The following CDH13 variants were observed in gnomAD, a reference collection of about 807,000 sequenced individuals.
CDH13 encodes cadherin 13.
Under a neutral mutation model 63.8 loss-of-function variants are expected in CDH13, and 24 were observed. The observed-to-expected ratio is 0.38, with a 90% CI of 0.27 to 0.53. CDH13 has a LOEUF of 0.53. Among genes scored for constraint, CDH13 ranks in the 20% least tolerant of loss-of-function variants. The pLI is 0.85. For synonymous variants in CDH13, 503 were observed against 355.3 expected, an observed-to-expected ratio of 1.42 and a Z score of -4.67; for missense variants, 1,049 against 903.1, an observed-to-expected ratio of 1.16 and a Z score of -2.07.
intron 8 of CDH13, among the ~76,000 whole-genome samples, chr16:83,646,684 C>G (rs1911827875): frequency 1.0e-5 from 1 of 96,640 alleles, no homozygotes; most frequent in Non-Finnish European, 2.0e-5. Context: ...AAGAGCAAGA[C>G]TCCGTCTCAA....
chr16:83,031,362 G>GTACATGTATATACATA (rs1916316322), intron 2 of CDH13, among the ~76,000 whole-genome samples: 2 of 94,470 alleles, frequency 2.1e-5, no homozygotes, highest in South Asian at 4.4e-4. Context: ...GTATATACAT[G>GTACATGTATATACATA]TACATGTATA....
At chr16:83,383,017 C>T (rs191216059) in intron 6 of CDH13, 11 of 152,290 alleles carry the variant, frequency 7.2e-5, no homozygotes, top group East Asian at 1.9e-4. Context: ...GCAGAAACCC[C>T]GAGTTACACA....
At chr16:83,483,937 G>A (rs1303526331) in intron 6 of CDH13, among the ~76,000 whole-genome samples, 2 of 152,140 alleles carry the variant, frequency 1.3e-5, no homozygotes, top group African/African-American at 4.8e-5. Context: ...TCCAGAGACA[G>A]GGGGGCTGCA....
intron 6 of CDH13, among the ~76,000 whole-genome samples, chr16:83,421,854 A>G (rs1597982114): frequency 6.6e-6 from 1 of 152,236 alleles, no homozygotes; most frequent in East Asian, 1.9e-4. Flanking sequence ...GTTCTTTTGA[A>G]TAAGCTGATA....
chr16:82,772,609 G>A (rs917552044), intron 1 of CDH13, among the ~76,000 whole-genome samples: 1 of 152,172 alleles, frequency 6.6e-6, no homozygotes, highest in Non-Finnish European at 1.5e-5. Context: ...CTGAATACTT[G>A]CACTGCCAGG....
At chr16:83,741,470 CTATATATATGTGTGTGTG>C (rs1290380854) in intron 10 of CDH13, among the ~76,000 whole-genome samples, 2 of 123,336 alleles carry the variant, frequency 1.6e-5, no homozygotes, top group African/African-American at 6.4e-5. Context: ...TCCTATCCTA[CTATATATATGTGTGTGTG>C]TATATATATA....
chr16:83,018,089 C>G (rs942295385), intron 2 of CDH13, among the ~76,000 whole-genome samples: 2 of 152,154 alleles, frequency 1.3e-5, no homozygotes, highest in Non-Finnish European at 2.9e-5. Context: ...AAAAGCCTGG[C>G]CTTTGGAGTG....
At chr16:83,340,917 C>T (rs901819859) in intron 5 of CDH13, among the ~76,000 whole-genome samples, 3 of 152,078 alleles carry the variant, frequency 2.0e-5, no homozygotes, top group Admixed American at 2.0e-4. Context: ...CCATGCAGGT[C>T]AACCATTGAA....
intron 5 of CDH13, among the ~76,000 whole-genome samples, chr16:83,297,827 C>A (rs547592059): frequency 3.3e-5 from 5 of 152,176 alleles, no homozygotes; most frequent in Admixed American, 2.6e-4. Context: ...AGATAGACTT[C>A]TAAATGCCCG....
intron 5 of CDH13, among the ~76,000 whole-genome samples, chr16:83,237,439 A>G (rs1220755283): frequency 1.3e-5 from 2 of 152,254 alleles, no homozygotes; most frequent in Non-Finnish European, 2.9e-5. Context: ...CCTCTCTGCA[A>G]TGATAGAAGT....
At chr16:82,966,171 C>G (rs192824148) in intron 2 of CDH13, among the ~76,000 whole-genome samples, 1 of 152,190 alleles carries the variant, frequency 6.6e-6, no homozygotes, top group African/African-American at 2.4e-5. Context: ...TTGTTTGAGA[C>G]AAAGACTCGG....
intron 4 of CDH13, among the ~76,000 whole-genome samples, chr16:83,157,108 A>G (rs2037238959): frequency 1.3e-5 from 2 of 152,160 alleles, no homozygotes; most frequent in Non-Finnish European, 2.9e-5. Flanking sequence ...CAGGTTTCTT[A>G]TTATCTGATC....
intron 1 of CDH13, among the ~76,000 whole-genome samples, chr16:82,659,366 T>G (rs1173855575): frequency 6.6e-6 from 1 of 152,068 alleles, no homozygotes; most frequent in East Asian, 1.9e-4. Flanking sequence ...GGCCTTGCCA[T>G]TGAGAGGGGA....
At chr16:82,800,525 T>C (rs1270076943) in intron 1 of CDH13, among the ~76,000 whole-genome samples, 5 of 152,198 alleles carry the variant, frequency 3.3e-5, no homozygotes, top group Non-Finnish European at 7.3e-5. Context: ...CTTCAGATGT[T>C]GACACATTTC....
At chr16:83,274,256 A>C (rs1355220796) in intron 5 of CDH13, among the ~76,000 whole-genome samples, 1 of 152,224 alleles carries the variant, frequency 6.6e-6, no homozygotes, top group Non-Finnish European at 1.5e-5. Context: ...GTTTCAGCCA[A>C]GGCTGGAGGT....
chr16:83,425,820 C>A (rs2071877252), intron 6 of CDH13, among the ~76,000 whole-genome samples: 1 of 151,008 alleles, frequency 6.6e-6, no homozygotes, highest in African/African-American at 2.4e-5. Flanking sequence ...TTTTTTCTTT[C>A]TCCCTTCCTT....
At chr16:83,271,811 G>T (rs8052584) in intron 5 of CDH13, among the ~76,000 whole-genome samples, 2 of 152,118 alleles carry the variant, frequency 1.3e-5, no homozygotes, top group Non-Finnish European at 2.9e-5. Flanking sequence ...ATCAATTCCA[G>T]TAAAAATGCT....
At chr16:82,938,703 T>G (rs547291180) in intron 2 of CDH13, among the ~76,000 whole-genome samples, 16 of 152,176 alleles carry the variant, frequency 1.1e-4, no homozygotes, top group Non-Finnish European at 2.1e-4. Context: ...GCATCAGTAC[T>G]GCACACAAGA....
chr16:83,369,947 C>G (rs1224415776), intron 6 of CDH13, among the ~76,000 whole-genome samples: 1 of 152,206 alleles, frequency 6.6e-6, no homozygotes, highest in Non-Finnish European at 1.5e-5. Context: ...TCCCTAGACT[C>G]CCATTCCCTG....
Sources: gnomAD v4.1 joint callset for allele counts (sites outside exome capture counted in the v4.1 genomes callset) on GRCh38, gnomAD v4.1.1 for gene constraint, MANE v1.5 for transcripts, NCBI Gene and HGNC (gene_info 2026-07-23, HGNC 2026-07-21) for gene names.